Variants in DMD observed in about 807,000 individuals in gnomAD.
DMD encodes dystrophin.
In DMD, 63 loss-of-function variants were observed where a neutral mutation model predicts 330.1. The observed-to-expected ratio is 0.19, with a 90% CI of 0.16 to 0.24. The LOEUF is 0.24. DMD is among the 10% of genes least tolerant of loss of function. The pLI is 1.00. For synonymous variants in DMD, 1,223 were observed against 959.8 expected (o/e 1.27, Z -5.07); for missense variants, 3,344 against 2,684.1 (o/e 1.25, Z -5.43).
intron 54 of DMD, among the ~76,000 whole-genome samples, chrX:31,642,109 C>T (rs1036176579): frequency 5.4e-5 from 6 of 111,352 alleles, no homozygotes; most frequent in Admixed American, 9.6e-5. Flanking sequence ...AATATCCTCA[C>T]GAAAGTCAAC....
chrX:32,140,472 G>A (rs142657067), intron 44 of DMD, among the ~76,000 whole-genome samples: 1,966 of 111,986 alleles, frequency 0.018, 102 homozygotes, highest in Admixed American at 0.16. Context: ...TTATCCAAAG[G>A]CATTAAGCAA....
At chrX:32,130,391 T>C (rs1459782247) in intron 44 of DMD, among the ~76,000 whole-genome samples, 1 of 111,272 alleles carries the variant, frequency 9.0e-6, no homozygotes, top group Non-Finnish European at 1.9e-5. Flanking sequence ...CTGAGTTTTA[T>C]ATATATATAT....
At chrX:32,286,787 T>C (rs765180680) in intron 43 of DMD, among the ~76,000 whole-genome samples, 1 of 111,689 alleles carries the variant, frequency 9.0e-6, no homozygotes, top group East Asian at 2.8e-4. Flanking sequence ...GGAGGTTCCC[T>C]ATAATTATTA....
chrX:32,584,831 T>C (rs754720913), intron 13 of DMD, among the ~76,000 whole-genome samples: 1 of 111,944 alleles, frequency 8.9e-6, no homozygotes, highest in East Asian at 2.8e-4. Context: ...ACTATCTTTT[T>C]CTGGATGTGG....
intron 44 of DMD, among the ~76,000 whole-genome samples, chrX:32,100,547 A>G (rs146458411): frequency 0.013 from 1,393 of 110,942 alleles, 8 homozygotes; most frequent in Non-Finnish European, 0.021. Context: ...CAAAGCATAA[A>G]TAACCCCAGT....
intron 34 of DMD, among the ~76,000 whole-genome samples, chrX:32,371,152 A>C (rs187851397): frequency 0.012 from 1,321 of 111,748 alleles, 10 homozygotes; most frequent in South Asian, 0.074. Flanking sequence ...TCTAAGAGTG[A>C]ACTGAAAGCC....
intron 29 of DMD, among the ~76,000 whole-genome samples, chrX:32,435,275 C>CATACATATATATATATAT (rs1557355915): frequency 5.0e-5 from 4 of 79,655 alleles, no homozygotes; most frequent in East Asian, 1.2e-3. Context: ...TATATACTTA[C>CATACATATATATATATAT]ATATATATAT....
rs1346948495 is a variant in DMD, at chrX:33,052,701, T to C, written c.32-32501A>G. Among the ~76,000 whole-genome samples the C allele has an allele frequency of 3.6e-5, 4 of 111,941 alleles. No individual in the cohort carries two copies. The East Asian group carries it at 8.4e-4, about 23-fold the overall frequency. ...TACTTGTCTCTCTACTGAACAAAAA[T>C]GTGTACATTTATGTAAAATTTCTCA... On this transcript the variant is annotated intron_variant, in intron 1 of 78. Transcript: ENST00000357033.
intron 34 of DMD, among the ~76,000 whole-genome samples, chrX:32,374,848 G>A (rs1480205867): frequency 8.9e-6 from 1 of 111,849 alleles, no homozygotes; most frequent in Non-Finnish European, 1.9e-5. Flanking sequence ...TAACAAACTT[G>A]CACATGTAAC....
At chrX:32,802,152 T>G (rs924646749) in intron 7 of DMD, among the ~76,000 whole-genome samples, 1 of 111,890 alleles carries the variant, frequency 8.9e-6, no homozygotes, top group Non-Finnish European at 1.9e-5. Flanking sequence ...CATGGAATGT[T>G]TTTTCATTTG....
At chrX:32,680,274 C>G (rs964308290) in intron 9 of DMD, among the ~76,000 whole-genome samples, 3 of 111,130 alleles carry the variant, frequency 2.7e-5, no homozygotes, top group African/African-American at 9.8e-5. Context: ...CACATATGAC[C>G]ATGAAAATAT....
chrX:33,113,976 T>C (rs1205787744), intron 1 of DMD, among the ~76,000 whole-genome samples: 1 of 111,318 alleles, frequency 9.0e-6, no homozygotes, highest in East Asian at 2.8e-4. Flanking sequence ...GGTTATACTA[T>C]AAATGTAATA....
chrX:33,114,114 T>TA lies in DMD; in HGVS notation c.32-93915_32-93914insT, dbSNP rs201438525. 2.0e-3 allele frequency among the ~76,000 whole-genome samples: 210 copies of TA among 104,600 alleles called. 1 individual carries two copies. The highest frequency in any genetic ancestry group is 3.9e-3 in the African/African-American group (113 of 28,758). 90.8% of individuals were successfully genotyped at this position (104,600 alleles called of 115,157 possible). On this transcript the variant is annotated intron_variant, in intron 1 of 78. Transcript: ENST00000357033. Reference sequence around the variant, plus strand: ...GAATATATGGCAATATTATTATTATTTTTTTTTTTTTTTGAGACAGAATCT... The same window carrying TA: ...GAATATATGGCAATATTATTATTATTATTTTTTTTTTTTTGAGACAGAATCT...
At chrX:31,725,950 C>T (rs768423792) in intron 52 of DMD, among the ~76,000 whole-genome samples, 46 of 112,296 alleles carry the variant, frequency 4.1e-4, no homozygotes, top group Non-Finnish European at 8.4e-4. Context: ...GTAATTCAGA[C>T]GCCTCCAAGG....
intron 48 of DMD, among the ~76,000 whole-genome samples, chrX:31,871,298 A>G (rs1299434841): frequency 1.8e-5 from 2 of 111,210 alleles, no homozygotes; most frequent in African/African-American, 6.6e-5. Context: ...GATTTCCTGA[A>G]TAGGAATATT....
chrX:33,198,160 C>T (rs2051061515), intron 1 of DMD, among the ~76,000 whole-genome samples: 1 of 110,993 alleles, frequency 9.0e-6, no homozygotes, highest in Non-Finnish European at 1.9e-5. Flanking sequence ...TGTTAATTTG[C>T]ATTTCTTTAA....
intron 50 of DMD, among the ~76,000 whole-genome samples, chrX:31,784,929 G>A (rs2091216597): frequency 8.9e-6 from 1 of 111,873 alleles, no homozygotes; most frequent in African/African-American, 3.3e-5. Flanking sequence ...AAATCAATGA[G>A]CATCTGTATA....
chrX:32,494,527 T>A (rs1490555455), intron 19 of DMD, among the ~76,000 whole-genome samples: 2 of 111,070 alleles, frequency 1.8e-5, no homozygotes, highest in Non-Finnish European at 3.8e-5. Flanking sequence ...TGGATCTTGT[T>A]TTTCTCATCC....
chrX:33,081,128 T>C (rs909529240), intron 1 of DMD, among the ~76,000 whole-genome samples: 1 of 111,238 alleles, frequency 9.0e-6, no homozygotes, highest in African/African-American at 3.3e-5. Context: ...CAGGAAAGTA[T>C]GCATTTCTAA....
Sources: gnomAD v4.1 joint callset for allele counts (sites outside exome capture counted in the v4.1 genomes callset) on GRCh38, gnomAD v4.1.1 for gene constraint, MANE v1.5 for transcripts, NCBI Gene and HGNC (gene_info 2026-07-23, HGNC 2026-07-21) for gene names.